PDE4D: variants seen among roughly 807,000 people sequenced by gnomAD.
The protein encoded by PDE4D is 3',5'-cyclic-AMP phosphodiesterase 4D.
Under a neutral mutation model 87.4 loss-of-function variants are expected in PDE4D, and 24 were observed. That is an observed-to-expected ratio of 0.27 (90% confidence interval 0.20 to 0.39). PDE4D has a LOEUF of 0.39. Ranked by LOEUF, PDE4D falls within the 10% of genes least tolerant of loss-of-function variation. The probability of loss-of-function intolerance (pLI) is 1.00; values close to 1 mark genes in which losing one functional copy is unlikely to be tolerated. For synonymous variants in PDE4D, 384 were observed against 383.2 expected, an observed-to-expected ratio of 1.00 and a Z score of -0.02; for missense variants, 714 against 1,041.0, an observed-to-expected ratio of 0.69 and a Z score of 4.32.
chr5:59,921,741 T>C (rs1298943232), intron 3 of PDE4D, among the ~76,000 whole-genome samples: 1 of 152,150 alleles, frequency 6.6e-6, no homozygotes, highest in Non-Finnish European at 1.5e-5. Context: ...ATTTTGTGGG[T>C]AACAGGGCAA....
chr5:60,105,893 C>T (rs1035516960), intron 2 of PDE4D, among the ~76,000 whole-genome samples: 12 of 152,208 alleles, frequency 7.9e-5, no homozygotes, highest in Admixed American at 3.9e-4. Flanking sequence ...GTACCAACCA[C>T]TGCAAAAACA....
intron 1 of PDE4D, among the ~76,000 whole-genome samples, chr5:59,220,393 A>AAAAAAAAAAG (rs1752267179): frequency 7.0e-6 from 1 of 142,764 alleles, no homozygotes; most frequent in Non-Finnish European, 1.5e-5. Context: ...AAAAAAAAAA[A>AAAAAAAAAAG]AAAAAAAAAG....
chr5:60,272,959 A>G (rs1156424960), intron 1 of PDE4D, among the ~76,000 whole-genome samples: 1 of 151,986 alleles, frequency 6.6e-6, no homozygotes, highest in Admixed American at 6.6e-5. Flanking sequence ...CTACCTCAAA[A>G]CCTCTCTCAC....
chr5:60,080,389 T>C (rs373814211), intron 2 of PDE4D, among the ~76,000 whole-genome samples: 35 of 152,332 alleles, frequency 2.3e-4, no homozygotes, highest in Non-Finnish European at 4.1e-4. Flanking sequence ...TCTTGCCTGA[T>C]TGCCCTGGTC....
chr5:60,464,210 G>T (rs969603464), intron 1 of PDE4D, among the ~76,000 whole-genome samples: 4 of 152,140 alleles, frequency 2.6e-5, no homozygotes, highest in Non-Finnish European at 5.9e-5. Context: ...AACACTGCCA[G>T]CCTCATCTTT....
intron 2 of PDE4D, among the ~76,000 whole-genome samples, chr5:60,112,268 T>G (rs1211659811): frequency 6.6e-6 from 1 of 152,096 alleles, no homozygotes; most frequent in African/African-American, 2.4e-5. Flanking sequence ...ATTCTGAACA[T>G]TATTCACCAA....
chr5:60,103,030 G>A (rs1360633201), intron 2 of PDE4D, among the ~76,000 whole-genome samples: 2 of 150,552 alleles, frequency 1.3e-5, no homozygotes, highest in African/African-American at 2.4e-5. Context: ...TTACCCACCA[G>A]GAAGTTAAGG....
At chr5:59,743,013 C>G (rs905363653) in intron 1 of PDE4D, among the ~76,000 whole-genome samples, 1 of 152,166 alleles carries the variant, frequency 6.6e-6, no homozygotes, top group Non-Finnish European at 1.5e-5. Flanking sequence ...CTAGAGCAAT[C>G]ATTACACCAG....
At chr5:59,056,570 G>A (rs2153408332) in intron 5 of PDE4D, among the ~76,000 whole-genome samples, 1 of 152,160 alleles carries the variant, frequency 6.6e-6, no homozygotes, top group East Asian at 1.9e-4. Context: ...CATGCATTCG[G>A]TATTTGTACT....
At chr5:60,350,861 CTGT>C (rs1759123189) in intron 1 of PDE4D, among the ~76,000 whole-genome samples, 1 of 152,088 alleles carries the variant, frequency 6.6e-6, no homozygotes, top group South Asian at 2.1e-4. Context: ...GATCCCTACT[CTGT>C]TTCCTCCTCT....
intron 2 of PDE4D, among the ~76,000 whole-genome samples, chr5:60,003,062 G>A (rs1764156457): frequency 6.6e-6 from 1 of 151,800 alleles, no homozygotes; most frequent in Admixed American, 6.6e-5. Context: ...AAATTTACAA[G>A]ATATAAAATC....
intron 5 of PDE4D, among the ~76,000 whole-genome samples, chr5:59,101,972 C>T (rs1042601482): frequency 2.0e-5 from 3 of 152,016 alleles, no homozygotes; most frequent in Non-Finnish European, 4.4e-5. Flanking sequence ...TTCAACTGTG[C>T]CCATCGAGTT....
At chr5:59,595,047 A>C (rs1826471448) in intron 1 of PDE4D, among the ~76,000 whole-genome samples, 1 of 152,198 alleles carries the variant, frequency 6.6e-6, no homozygotes. Flanking sequence ...TGCTTTAAAA[A>C]ATAAAGTTTT....
intron 1 of PDE4D, among the ~76,000 whole-genome samples, chr5:59,584,000 C>A (rs151007651): frequency 2.2e-3 from 342 of 152,334 alleles, no homozygotes; most frequent in African/African-American, 8.0e-3. Context: ...CTGTTGCCAA[C>A]TTCTGATCGG....
rs374208685 is a variant in PDE4D, at chr5:59,907,336, T to A, written c.272+81152A>T. On this transcript the variant is annotated intron_variant, in intron 3 of 16. Coordinates refer to the PDE4D transcript ENST00000502484. ...GGTCGGCAAACTGTTTTTATAAAGA[T>A]CCATTTAGTAAATGTTCTCATTTAT... Among the ~76,000 whole-genome samples, 28 of 152,250 alleles carry A rather than the reference T, an allele frequency of 1.8e-4. No individual in the cohort carries two copies. In the East Asian group the frequency reaches 4.6e-3, roughly 25 times the overall value.
chr5:59,751,874 C>T (rs1002932268), intron 1 of PDE4D, among the ~76,000 whole-genome samples: 5 of 152,124 alleles, frequency 3.3e-5, no homozygotes, highest in African/African-American at 1.2e-4. Context: ...AGGCCCCTCT[C>T]TCTTTGTGAA....
intron 3 of PDE4D, among the ~76,000 whole-genome samples, chr5:59,943,362 A>G (rs1024612058): frequency 9.2e-5 from 14 of 152,054 alleles, no homozygotes; most frequent in Non-Finnish European, 4.4e-5. Flanking sequence ...TCCCAACACA[A>G]TGGCATCAAT....
At chr5:59,382,285 C>T (rs1407031601) in intron 1 of PDE4D, among the ~76,000 whole-genome samples, 1 of 152,082 alleles carries the variant, frequency 6.6e-6, no homozygotes, top group Non-Finnish European at 1.5e-5. Flanking sequence ...ACAACAACAA[C>T]AACCGAATGG....
At position 59,221,084 on chromosome 5, in the gene PDE4D, C is replaced by A. The variant is rs139481341; in HGVS notation, c.456-5116G>T. 3.4e-3 allele frequency among the ~76,000 whole-genome samples: 510 copies of A among 152,194 alleles called. 2 individuals are homozygous for A. Among genetic ancestry groups the A allele is most frequent in the African/African-American group, 0.012 (483 of 41,510 alleles). ...TGAAGTAGGCACTGTATTTTCCATTCGACCATGGGGACTCTGAGGCATAGA... is the reference window on the plus strand; with the variant it reads ...TGAAGTAGGCACTGTATTTTCCATTAGACCATGGGGACTCTGAGGCATAGA... On this transcript the variant is annotated intron_variant, in intron 1 of 14. Coordinates refer to ENST00000340635, the MANE Select transcript of PDE4D (RefSeq NM_001104631.2).
Sources: gnomAD v4.1 joint callset for allele counts (sites outside exome capture counted in the v4.1 genomes callset) on GRCh38, gnomAD v4.1.1 for gene constraint, MANE v1.5 for transcripts, NCBI Gene and HGNC (gene_info 2026-07-23, HGNC 2026-07-21) for gene names.